The following ROCK1 variants were observed in gnomAD, a reference collection of about 807,000 sequenced individuals.
The protein encoded by ROCK1 is rho-associated protein kinase 1.
ROCK1 carries 36 observed loss-of-function variants against 196.8 expected under a neutral mutation model. The ratio of observed to expected loss-of-function variants is 0.18; its 90% CI spans 0.14 to 0.24. The LOEUF (loss-of-function observed/expected upper bound fraction) is 0.24, where lower values mean the gene tolerates loss of function less well. Among genes scored for constraint, ROCK1 ranks in the 10% least tolerant of loss-of-function variants. The probability of loss-of-function intolerance (pLI) is 1.00; values close to 1 mark genes in which losing one functional copy is unlikely to be tolerated. For synonymous variants in ROCK1, 443 were observed against 515.9 expected (o/e 0.86, Z 1.91); for missense variants, 920 against 1,562.0 (o/e 0.59, Z 6.93).
At position 20,951,164 on chromosome 18, in the gene ROCK1, A is replaced by C. The variant is rs2143311452; in HGVS notation, c.*220T>G. Reference sequence around the variant, plus strand: ...TAAGCTTTCCCCCAACTGTACTTGCATTACATAGTAATAATTAATCTAATC... The same window carrying C: ...TAAGCTTTCCCCCAACTGTACTTGCCTTACATAGTAATAATTAATCTAATC... On this transcript the variant is annotated 3_prime_UTR_variant, in exon 33 of 33. Transcript: ENST00000399799. 7.3e-6 allele frequency: 3 copies of C among 408,546 alleles called. No homozygotes were observed. Among genetic ancestry groups the C allele is most frequent in the Non-Finnish European group, 1.3e-5 (3 of 222,550 alleles). The allele number at this position is 408,546 out of a possible 1,614,324, so 25.3% of individuals were successfully genotyped here.
intron 19 of ROCK1, among the ~76,000 whole-genome samples, chr18:20,986,485 T>A (rs920636930): frequency 6.6e-6 from 1 of 152,176 alleles, no homozygotes; most frequent in South Asian, 2.1e-4. Flanking sequence ...AAAGTACATA[T>A]AGTAACCACC....
intron 1 of ROCK1, among the ~76,000 whole-genome samples, chr18:21,091,376 G>A (rs553463154): frequency 6.6e-6 from 1 of 152,084 alleles, no homozygotes; most frequent in Admixed American, 6.6e-5. Context: ...AGGCCGAGGT[G>A]GGTGGATCAC....
At chr18:20,956,641 A>C (rs1342441627) in intron 29 of ROCK1, among the ~76,000 whole-genome samples, 1 of 152,220 alleles carries the variant, frequency 6.6e-6, no homozygotes, top group Non-Finnish European at 1.5e-5. Context: ...CCTGACCTAA[A>C]CATCCACCTC....
chr18:21,077,597 G>C (rs756383124), intron 1 of ROCK1, among the ~76,000 whole-genome samples: 12 of 53,996 alleles, frequency 2.2e-4, no homozygotes, highest in African/African-American at 2.7e-4. Flanking sequence ...GCCCAGAGGA[G>C]AAGTGGGGCG....
At chr18:21,011,898 G>GT (rs1386312393) in intron 13 of ROCK1, among the ~76,000 whole-genome samples, 1 of 152,126 alleles carries the variant, frequency 6.6e-6, no homozygotes, top group Non-Finnish European at 1.5e-5. Flanking sequence ...AGAAAAAAAT[G>GT]TATTTACCCA....
intron 1 of ROCK1, among the ~76,000 whole-genome samples, chr18:21,073,142 G>A (rs1191889237): frequency 8.0e-6 from 1 of 124,248 alleles, no homozygotes; most frequent in African/African-American, 2.9e-5. Flanking sequence ...GCCAATCAAT[G>A]TCAAAAAATT....
At chr18:20,993,862 A>T (rs2035647631) in intron 16 of ROCK1, among the ~76,000 whole-genome samples, 1 of 152,230 alleles carries the variant, frequency 6.6e-6, no homozygotes, top group African/African-American at 2.4e-5. Flanking sequence ...CTTAAAATAA[A>T]AATTATATTT....
intron 1 of ROCK1, among the ~76,000 whole-genome samples, chr18:21,071,113 T>C (rs1316110342): frequency 6.6e-6 from 1 of 152,048 alleles, no homozygotes; most frequent in African/African-American, 2.4e-5. Context: ...GTCTTCTTTC[T>C]TTCTTTGAGG....
chr18:21,092,018 G>A (rs577828277), intron 1 of ROCK1, among the ~76,000 whole-genome samples: 1 of 152,060 alleles, frequency 6.6e-6, no homozygotes, highest in Non-Finnish European at 1.5e-5. Context: ...AATTTGGGGA[G>A]GAGTCAAAGT....
At chr18:21,030,249 A>T (rs1391923443) in intron 9 of ROCK1, among the ~76,000 whole-genome samples, 2 of 152,168 alleles carry the variant, frequency 1.3e-5, no homozygotes, top group African/African-American at 2.4e-5. Context: ...CATACATTTT[A>T]TGTTAAAAGA....
At chr18:21,090,534 A>C (rs2036560753) in intron 1 of ROCK1, among the ~76,000 whole-genome samples, 1 of 152,168 alleles carries the variant, frequency 6.6e-6, no homozygotes, top group Admixed American at 6.5e-5. Flanking sequence ...TTCAAAATTC[A>C]AGAGGTACTG....
chr18:20,959,086 T>TTTATATAATATATATATTATATATATA (rs1465209670), intron 29 of ROCK1, among the ~76,000 whole-genome samples: 65 of 29,746 alleles, frequency 2.2e-3, no homozygotes, highest in Non-Finnish European at 3.0e-3. Context: ...ATATATATAT[T>TTTATATAATATATATATTATATATATA]TTATATAATA....
At chr18:21,002,634 A>G (rs1364605603) in intron 16 of ROCK1, among the ~76,000 whole-genome samples, 1 of 152,208 alleles carries the variant, frequency 6.6e-6, no homozygotes, top group Non-Finnish European at 1.5e-5. Flanking sequence ...ATAAAAATAG[A>G]TGATCACCAC....
intron 2 of ROCK1, among the ~76,000 whole-genome samples, chr18:21,060,974 A>C (rs1436866273): frequency 6.6e-6 from 1 of 152,134 alleles, no homozygotes; most frequent in Non-Finnish European, 1.5e-5. Flanking sequence ...CAAACAAACC[A>C]AGGTATATCC....
intron 29 of ROCK1, among the ~76,000 whole-genome samples, chr18:20,957,890 C>A (rs35778842): frequency 7.8e-6 from 1 of 128,510 alleles, no homozygotes; most frequent in African/African-American, 3.0e-5. Context: ...TCAGGCCAAC[C>A]GCCCACCTTG....
chr18:20,995,403 A>C, intron 16 of ROCK1, among the ~76,000 whole-genome samples: 1 of 152,192 alleles, frequency 6.6e-6, no homozygotes, highest in East Asian at 1.9e-4. Context: ...TTCGCACAGA[A>C]AAGCACCTTC....
At chr18:21,040,782 C>T (rs746564332) in intron 8 of ROCK1, among the ~76,000 whole-genome samples, 1 of 152,148 alleles carries the variant, frequency 6.6e-6, no homozygotes, top group Non-Finnish European at 1.5e-5. Context: ...TTCCTCACTA[C>T]TATATCCCTA....
At chr18:21,069,357 A>T (rs1164320280) in intron 2 of ROCK1, among the ~76,000 whole-genome samples, 1 of 152,044 alleles carries the variant, frequency 6.6e-6, no homozygotes, top group Non-Finnish European at 1.5e-5. Context: ...ATTTTGTTAT[A>T]TTATTCTCTG....
rs566335309 is a variant in ROCK1, at chr18:20,952,648, G to A, written c.4061+930C>T. Among the ~76,000 whole-genome samples the A allele has an allele frequency of 4.0e-5, 6 of 151,634 alleles. No individual in the cohort carries two copies. The East Asian group carries it at 7.9e-4, about 20-fold the overall frequency. ...CAAAAATTAGCCAGGCGTGGCATGC[G>A]TCTGTAATCCCCGCTACTTGGGAGG... On this transcript the variant is annotated intron_variant, in intron 32 of 32. Transcript: ENST00000399799.
Sources: allele counts gnomAD v4.1 joint callset (sites outside exome capture counted in the v4.1 genomes callset), GRCh38; gene constraint gnomAD v4.1.1; transcripts MANE v1.5; gene names NCBI Gene and HGNC (gene_info 2026-07-23, HGNC 2026-07-21).